The following TENT5D variants were observed in gnomAD, a reference collection of about 807,000 sequenced individuals.
The protein encoded by TENT5D is terminal nucleotidyltransferase 5D, also known as cancer/testis antigen 112.
For synonymous variants in TENT5D, 103 were observed against 100.6 expected (o/e 1.02, Z -0.15); for missense variants, 191 against 287.0 (o/e 0.67, Z 2.42).
intron 3 of TENT5D, among the ~76,000 whole-genome samples, chrX:80,346,221 C>T (rs1235537534): frequency 8.9e-6 from 1 of 111,900 alleles, no homozygotes. Context: ...TTTTTTATTA[C>T]TGAGTAGTAT....
chrX:80,349,739 T>TG (rs1482795445), intron 3 of TENT5D, among the ~76,000 whole-genome samples: 1 of 111,238 alleles, frequency 9.0e-6, no homozygotes, highest in Non-Finnish European at 1.9e-5. Flanking sequence ...TTAATTGTGA[T>TG]GTTAGGGTGT....
At chrX:80,411,271 GT>G (rs1315782601) in intron 3 of TENT5D, among the ~76,000 whole-genome samples, 2 of 111,400 alleles carry the variant, frequency 1.8e-5, no homozygotes, top group Non-Finnish European at 3.8e-5. Context: ...AAATTTCAGT[GT>G]TCTAACCAAG....
At chrX:80,341,638 T>A (rs1929958011) in intron 2 of TENT5D, among the ~76,000 whole-genome samples, 1 of 111,537 alleles carries the variant, frequency 9.0e-6, no homozygotes, top group African/African-American at 3.3e-5. Flanking sequence ...GCTTTCATCC[T>A]CTCTAAACCT....
At position 80,399,688 on chromosome X, in the gene TENT5D, A is replaced by G. The variant is rs916467059; in HGVS notation, c.-141-38922A>G. ...GAATTATTGGAGAAGCAAAAATACA[A>G]CACAACACTGTATAGGCCACTTTAC... On this transcript the variant is annotated intron_variant, in intron 3 of 4. Coordinates refer to the TENT5D transcript ENST00000538312. Among the ~76,000 whole-genome samples the G allele has an allele frequency of 2.7e-5, 3 of 112,855 alleles. No homozygotes were observed. The East Asian group carries it at 8.3e-4, about 31-fold the overall frequency.
At chrX:80,409,253 A>G (rs2147551901) in intron 3 of TENT5D, among the ~76,000 whole-genome samples, 1 of 111,081 alleles carries the variant, frequency 9.0e-6, no homozygotes, top group East Asian at 2.9e-4. Context: ...GGCCAGGGCA[A>G]TTAGGCAGGA....
chrX:80,345,924 C>T (rs140034697), intron 3 of TENT5D, among the ~76,000 whole-genome samples: 1,718 of 111,795 alleles, frequency 0.015, 12 homozygotes, highest in Non-Finnish European at 0.023. Context: ...TTGTCCTAAT[C>T]CAGTGTCTTC....
chrX:80,435,446 AC>A (rs1285107010), intron 1 of TENT5D, among the ~76,000 whole-genome samples: 1 of 112,155 alleles, frequency 8.9e-6, no homozygotes, highest in African/African-American at 3.2e-5. Context: ...AAATTGTTAC[AC>A]TTTTTGATTG....
At chrX:80,342,525 A>G (rs1030669177) in exon 3 of TENT5D, 7 of 112,447 alleles carry the variant, frequency 6.2e-5, no homozygotes, top group African/African-American at 2.3e-4. Context: ...AAATTATCTA[A>G]CACTTCTCAT....
chrX:80,366,241 T>TGTG, intron 3 of TENT5D, among the ~76,000 whole-genome samples: 1 of 52,532 alleles, frequency 1.9e-5, no homozygotes, highest in Non-Finnish European at 3.7e-5. Flanking sequence ...GTGTGTGTGT[T>TGTG]CCATATGGAC....
intron 1 of TENT5D, among the ~76,000 whole-genome samples, chrX:80,432,327 C>T (rs1167490060): frequency 2.7e-5 from 3 of 111,426 alleles, no homozygotes; most frequent in South Asian, 3.8e-4. Flanking sequence ...GACCTCCTTC[C>T]GGCCTCACGT....
chrX:80,393,804 G>A (rs754855199), intron 3 of TENT5D, among the ~76,000 whole-genome samples: 53 of 111,727 alleles, frequency 4.7e-4, no homozygotes, highest in South Asian at 1.1e-3. Context: ...AAACCATGCA[G>A]TATTTGTTTT....
At chrX:80,444,139 T>A (rs1932342565) in exon 3 of TENT5D, 3 of 129,011 alleles carry the variant, frequency 2.3e-5, no homozygotes, top group Non-Finnish European at 5.3e-5. Context: ...GTTCCTTTGT[T>A]ACATTTAGTT....
chrX:80,346,540 A>C (rs185413483), intron 3 of TENT5D, among the ~76,000 whole-genome samples: 8 of 111,928 alleles, frequency 7.1e-5, no homozygotes, highest in African/African-American at 1.9e-4. Flanking sequence ...TCTTATAGGT[A>C]TGTGCTTGTA....
At chrX:80,418,266 C>T (rs925450923), upstream of TENT5D, among the ~76,000 whole-genome samples, 4 of 110,331 alleles carry the variant, frequency 3.6e-5, no homozygotes, top group Non-Finnish European at 7.6e-5. Flanking sequence ...AATCCTACCT[C>T]AGCCTCCCAA....
intron 3 of TENT5D, among the ~76,000 whole-genome samples, chrX:80,410,857 A>G (rs1397397110): frequency 1.9e-5 from 2 of 106,892 alleles, no homozygotes; most frequent in Non-Finnish European, 3.9e-5. Flanking sequence ...ATGTCCAACA[A>G]TGATAGACTG....
intron 3 of TENT5D, among the ~76,000 whole-genome samples, chrX:80,345,699 T>C (rs774904115): frequency 8.9e-6 from 1 of 111,963 alleles, no homozygotes; most frequent in Admixed American, 9.5e-5. Flanking sequence ...AACTAGGATA[T>C]CCATTTATCA....
chrX:80,397,504 C>T (rs199643677), intron 3 of TENT5D, among the ~76,000 whole-genome samples: 5 of 109,921 alleles, frequency 4.5e-5, no homozygotes, highest in Admixed American at 1.9e-4. Context: ...CAGGCAGAGA[C>T]GCTCCTCACT....
chrX:80,383,835 G>A (rs1423387447), intron 3 of TENT5D, among the ~76,000 whole-genome samples: 5 of 110,404 alleles, frequency 4.5e-5, no homozygotes, highest in African/African-American at 6.6e-5. Flanking sequence ...TAGCCTGGGC[G>A]ACAGAGCGAG....
rs773104809 is a variant in TENT5D at position 80,433,972 on chromosome X, T to A, written c.-141-4638T>A. ...CAACATGGTGAAACCCCATCTCTACTAAAAATAAAAAAAAATTAGCCAGGC... is the reference window on the plus strand; with the variant it reads ...CAACATGGTGAAACCCCATCTCTACAAAAAATAAAAAAAAATTAGCCAGGC... On this transcript the variant is annotated intron_variant, in intron 1 of 2. Transcript: ENST00000308293. 7.4e-5 allele frequency among the ~76,000 whole-genome samples: 8 copies of A among 108,508 alleles called. No homozygotes were observed. In the East Asian group the frequency reaches 1.7e-3, roughly 24 times the overall value. The allele number at this position is 108,508 out of a possible 115,157, so 94.2% of individuals were successfully genotyped here.
Sources: gnomAD v4.1 joint callset for allele counts (sites outside exome capture counted in the v4.1 genomes callset) on GRCh38, gnomAD v4.1.1 for gene constraint, MANE v1.5 for transcripts, NCBI Gene and HGNC (gene_info 2026-07-23, HGNC 2026-07-21) for gene names.